KCNMA1: variants seen among roughly 807,000 people sequenced by gnomAD.
KCNMA1 encodes potassium calcium-activated channel subfamily M alpha 1, also known as Calcium-activated potassium channel subunit alpha-1.
Under a neutral mutation model 140.0 loss-of-function variants are expected in KCNMA1, and 29 were observed. That is an observed-to-expected ratio of 0.21 (90% CI 0.15 to 0.28). The LOEUF (loss-of-function observed/expected upper bound fraction) is 0.28. Ranked by LOEUF, KCNMA1 falls within the 10% of genes least tolerant of loss-of-function variation. The pLI, the probability that KCNMA1 is intolerant of heterozygous loss-of-function variation, is 1.00. For synonymous variants in KCNMA1, 612 were observed against 611.9 expected (o/e 1.00, Z 0.00); for missense variants, 880 against 1,602.2 (o/e 0.55, Z 7.70).
intron 1 of KCNMA1, among the ~76,000 whole-genome samples, chr10:77,633,547 C>G (rs966702756): frequency 1.3e-5 from 2 of 152,160 alleles, no homozygotes; most frequent in African/African-American, 2.4e-5. Flanking sequence ...AAGAGCTCCA[C>G]GGCACTGAAG....
rs1040301540 is a variant in KCNMA1, at chr10:77,262,162, T to A, written c.541-10906A>T. 4.6e-5 allele frequency among the ~76,000 whole-genome samples: 7 copies of A among 152,316 alleles called. No homozygotes were observed. The East Asian group carries it at 1.4e-3, about 29-fold the overall frequency. ...GCCAAAAGGTAGAAGCAACCCAAAG[T>A]GTCCATGGACAGATGAATGGATAAA... On this transcript the variant is annotated intron_variant, in intron 2 of 27. Transcript: ENST00000286628.
intron 3 of KCNMA1, among the ~76,000 whole-genome samples, chr10:77,227,928 G>T (rs1256066794): frequency 6.6e-6 from 1 of 151,606 alleles, no homozygotes; most frequent in Non-Finnish European, 1.5e-5. Flanking sequence ...ACTTACAAGG[G>T]CCACAGCGCC....
At chr10:77,607,321 G>A (rs1335881278) in intron 1 of KCNMA1, among the ~76,000 whole-genome samples, 1 of 152,190 alleles carries the variant, frequency 6.6e-6, no homozygotes, top group Non-Finnish European at 1.5e-5. Context: ...ATTGCTTCCT[G>A]CTTAGCATGC....
intron 3 of KCNMA1, among the ~76,000 whole-genome samples, chr10:77,242,282 A>G (rs1490399559): frequency 4.6e-5 from 7 of 152,204 alleles, no homozygotes; most frequent in Non-Finnish European, 8.8e-5. Flanking sequence ...TGATTATTTT[A>G]TGCCGTCCCT....
chr10:76,970,270 C>G (rs1449997159), intron 19 of KCNMA1: 2 of 614,340 alleles, frequency 3.3e-6, no homozygotes, highest in Non-Finnish European at 6.0e-6. Flanking sequence ...TCTTTACACT[C>G]CAGCCTTTGA....
intron 1 of KCNMA1, among the ~76,000 whole-genome samples, chr10:77,581,147 G>A (rs533809317): frequency 2.0e-5 from 3 of 152,208 alleles, no homozygotes; most frequent in East Asian, 3.9e-4. Flanking sequence ...CAGGTCTCAC[G>A]GCTCACTGGT....
chr10:77,359,261 G>T (rs1246510871), intron 2 of KCNMA1, among the ~76,000 whole-genome samples: 1 of 152,174 alleles, frequency 6.6e-6, no homozygotes, highest in Non-Finnish European at 1.5e-5. Context: ...GCGGGGAGGG[G>T]CAGGAAGGTT....
intron 15 of KCNMA1, among the ~76,000 whole-genome samples, chr10:77,033,651 T>A (rs2094109635): frequency 6.6e-6 from 1 of 152,184 alleles, no homozygotes; most frequent in Non-Finnish European, 1.5e-5. Flanking sequence ...AAGAACCCAG[T>A]GTTGAGTCAA....
At chr10:77,235,719 T>A (rs2055209628) in intron 3 of KCNMA1, among the ~76,000 whole-genome samples, 1 of 152,126 alleles carries the variant, frequency 6.6e-6, no homozygotes, top group Admixed American at 6.5e-5. Flanking sequence ...CTTCATGGAG[T>A]AGCATTTTCC....
downstream of KCNMA1, chr10:76,872,292 G>A (rs1310135025): frequency 6.6e-6 from 1 of 152,204 alleles, no homozygotes; most frequent in Non-Finnish European, 1.5e-5. Context: ...TGAGGAAGGT[G>A]CTGCACACGG....
At chr10:77,021,711 C>A (rs946257887) in intron 16 of KCNMA1, among the ~76,000 whole-genome samples, 1 of 152,166 alleles carries the variant, frequency 6.6e-6, no homozygotes, top group African/African-American at 2.4e-5. Flanking sequence ...TTCCAGGATG[C>A]CCTCTTATTC....
intron 1 of KCNMA1, among the ~76,000 whole-genome samples, chr10:77,563,305 C>T (rs2067022805): frequency 6.6e-6 from 1 of 152,132 alleles, no homozygotes; most frequent in Non-Finnish European, 1.5e-5. Flanking sequence ...GTCCCCAGTA[C>T]CTCTAAATAC....
intron 1 of KCNMA1, among the ~76,000 whole-genome samples, chr10:77,492,688 G>A (rs816850): frequency 6.6e-6 from 1 of 151,994 alleles, no homozygotes; most frequent in East Asian, 1.9e-4. Flanking sequence ...GGACAAGTTC[G>A]TCAGTCTGTG....
chr10:77,415,717 C>T (rs1461102960), intron 1 of KCNMA1, among the ~76,000 whole-genome samples: 2 of 152,232 alleles, frequency 1.3e-5, no homozygotes, highest in African/African-American at 2.4e-5. Flanking sequence ...TCACTCTCCT[C>T]AGCAAAGGCT....
rs564559546 is a variant in KCNMA1, at chr10:76,914,770, G to A, written c.3016+166C>T. ...GAAAGATAGATCAGTTTTCCCTTCC[G>A]GTAATCTGCCATATTTCTCCCCATA... On this transcript the variant is annotated intron_variant, in intron 24 of 27. Transcript: ENST00000286628. 273 of 610,908 alleles carry A rather than the reference G, an allele frequency of 4.5e-4. 1 individual carries two copies. Among genetic ancestry groups the A allele is most frequent in the South Asian group, 1.4e-3 (78 of 55,354 alleles). 37.8% of individuals were successfully genotyped at this position (610,908 alleles called of 1,614,324 possible).
At chr10:77,555,069 C>T (rs1211857597) in intron 1 of KCNMA1, among the ~76,000 whole-genome samples, 6 of 152,148 alleles carry the variant, frequency 3.9e-5, no homozygotes, top group East Asian at 3.8e-4. Context: ...CACACACGCA[C>T]GCACACCACA....
chr10:77,534,854 C>T (rs2058501553), intron 1 of KCNMA1, among the ~76,000 whole-genome samples: 1 of 152,190 alleles, frequency 6.6e-6, no homozygotes, highest in Admixed American at 6.5e-5. Flanking sequence ...CAGCCTACAA[C>T]CCATACCTAC....
chr10:77,289,279 G>T (rs192301404), intron 2 of KCNMA1, among the ~76,000 whole-genome samples: 6 of 152,242 alleles, frequency 3.9e-5, no homozygotes, highest in Admixed American at 3.9e-4. Flanking sequence ...AAGGCACAGG[G>T]CTCCCCTAAG....
chr10:77,036,855 A>C (rs2094368917), intron 15 of KCNMA1, among the ~76,000 whole-genome samples: 1 of 152,218 alleles, frequency 6.6e-6, no homozygotes, highest in African/African-American at 2.4e-5. Context: ...CAGATAATTA[A>C]GCCTCCAGAT....
Sources: gnomAD v4.1 joint callset for allele counts (sites outside exome capture counted in the v4.1 genomes callset) on GRCh38, gnomAD v4.1.1 for gene constraint, MANE v1.5 for transcripts, NCBI Gene and HGNC (gene_info 2026-07-23, HGNC 2026-07-21) for gene names.